ORC1: variants seen among roughly 807,000 people sequenced by gnomAD.
ORC1 encodes the protein origin recognition complex, subunit 1 homolog.
In ORC1, 61 loss-of-function variants were observed where a neutral mutation model predicts 98.9. That is an observed-to-expected ratio of 0.62 (90% CI 0.50 to 0.76). The LOEUF (loss-of-function observed/expected upper bound fraction) is 0.76, where lower values mean the gene tolerates loss of function less well. Ranked by LOEUF, ORC1 falls within the 30% of genes least tolerant of loss-of-function variation. ORC1 has a pLI of 0.00. For missense variants in ORC1, 979 were observed against 1,072.2 expected (o/e 0.91, Z 1.21); for synonymous variants, 385 against 406.9 (o/e 0.95, Z 0.65).
intron 6 of ORC1, among the ~76,000 whole-genome samples, chr1:52,391,980 A>G (rs1647221291): frequency 6.6e-6 from 1 of 152,146 alleles, no homozygotes; most frequent in African/African-American, 2.4e-5. Flanking sequence ...AGAAACAGCC[A>G]GCAAACATAT....
intron 3 of ORC1, among the ~76,000 whole-genome samples, chr1:52,400,466 CAGA>C (rs771373135): frequency 3.9e-5 from 6 of 152,164 alleles, no homozygotes; most frequent in Non-Finnish European, 8.8e-5. Context: ...ACTGAAATCG[CAGA>C]AGGTGAAACC....
intron 3 of ORC1, among the ~76,000 whole-genome samples, chr1:52,400,127 T>A (rs1210332898): frequency 6.6e-6 from 1 of 152,200 alleles, no homozygotes; most frequent in Admixed American, 6.5e-5. Flanking sequence ...TTTTTCTCCA[T>A]ACTTCTAAGT....
At chr1:52,389,565 C>T (rs767088202) in intron 6 of ORC1, among the ~76,000 whole-genome samples, 12 of 152,198 alleles carry the variant, frequency 7.9e-5, no homozygotes, top group Admixed American at 2.0e-4. Context: ...GACTCACCAA[C>T]TCCCCAACTA....
At chr1:52,383,359 G>A (rs1647097290) in intron 13 of ORC1, 61 bp downstream of exon 13, 3 of 1,603,750 alleles carry the variant, frequency 1.9e-6, no homozygotes, top group Admixed American at 3.3e-5. Flanking sequence ...CATTTTTGCA[G>A]AACTTCTTGG....
intron 5 of ORC1, among the ~76,000 whole-genome samples, 191 bp from the exon 6 acceptor site, chr1:52,393,994 G>A (rs1647289819): frequency 6.6e-6 from 1 of 152,198 alleles, no homozygotes. Flanking sequence ...AATTTTAGGA[G>A]TGATTTTCCT....
At position 52,383,929 on chromosome 1, in the gene ORC1, T is replaced by A; in HGVS notation, c.1764A>T (p.Thr588=). 6.2e-7 allele frequency: 1 copy of A among 1,614,010 alleles called. No homozygotes were observed. The highest frequency in any genetic ancestry group is 8.5e-7 in the Non-Finnish European group (1 of 1,179,840). The change falls in exon 12 of 17, where the codon ACA becomes ACT. Residue 588 remains threonine (T), a synonymous_variant. Coordinates refer to ENST00000371568, the MANE Select transcript of ORC1 (RefSeq NM_004153.4). ...QVYVQILQKL[T]GQKATANHAA... ...CATGGTTGGCTGTTGCTTTTTGGCC[T>A]GTTAGCTTCTGCATTAGGAGAAACA...
chr1:52,383,789 A>G, intron 12 of ORC1, 41 bp downstream of exon 12: 1 of 1,529,324 alleles, frequency 6.5e-7, no homozygotes, highest in Non-Finnish European at 9.1e-7. Context: ...CTCCTGAGGT[A>G]CAGCCCTGTT....
chr1:52,405,003 G>C, upstream of ORC1: 1 of 1,154,066 alleles, frequency 8.7e-7, no homozygotes, highest in Non-Finnish European at 1.2e-6. Flanking sequence ...CGATCATTCA[G>C]AAAAATTTTG....
At position 52,397,871 on chromosome 1, in the gene ORC1, G is replaced by A. The variant is rs1310590127; in HGVS notation, c.224-8C>T. On this transcript the variant is annotated splice_polypyrimidine_tract_variant and splice_region_variant and intron_variant, in intron 3 of 16. Transcript: ENST00000371568. ...TAGGAGGAGGATCAGAGTCTAGAAA[G>A]AATTTGGTGGAAAGGGAAAGGTTAA... 1 of 1,613,958 alleles carries A rather than the reference G, an allele frequency of 6.2e-7. No individual in the cohort carries two copies. Among genetic ancestry groups the A allele is most frequent in the Non-Finnish European group, 8.5e-7 (1 of 1,179,784 alleles).
chr1:52,394,121 G>A (rs1247704189), intron 5 of ORC1, among the ~76,000 whole-genome samples: 7 of 152,182 alleles, frequency 4.6e-5, no homozygotes, highest in Non-Finnish European at 7.3e-5. Flanking sequence ...AATCAGGGGT[G>A]ACATCGCATG....
intron 4 of ORC1, 133 bp downstream of exon 4, chr1:52,397,552 A>G: frequency 1.2e-6 from 1 of 852,126 alleles, no homozygotes; most frequent in East Asian, 2.5e-5. Context: ...CAGACAGGCA[A>G]GCACAGAAGA....
Position 52,389,266 on chromosome 1 carries a change from G to A in ORC1, c.1138C>T (p.Arg380Cys), listed in dbSNP as rs761899508. 4 of 1,614,158 alleles carry A rather than the reference G, an allele frequency of 2.5e-6. No individual in the cohort carries two copies. The highest frequency in any genetic ancestry group is 2.2e-5 in the East Asian group (1 of 44,884). ...NEATSTPHRI[R>C]RKSSVLTMNR... ...ATAGTCAAGACAGAACTCTTTCTGCGGATACGATGGGGAGTAGAGGTCGCT... is the reference window on the plus strand; with the variant it reads ...ATAGTCAAGACAGAACTCTTTCTGCAGATACGATGGGGAGTAGAGGTCGCT... The change falls in exon 7 of 17, where the codon CGC becomes TGC. Residue 380 changes from arginine (R) to cysteine (C), a missense_variant. Arg to Cys is a radical substitution (Grantham distance 180, BLOSUM62 -3). Coordinates refer to ENST00000371568, the MANE Select transcript of ORC1 (RefSeq NM_004153.4).
upstream of ORC1, among the ~76,000 whole-genome samples, chr1:52,407,712 G>T (rs1219163882): frequency 6.6e-6 from 1 of 152,170 alleles, no homozygotes; most frequent in Non-Finnish European, 1.5e-5. Flanking sequence ...CTTGAGGTCA[G>T]GAGTTCAAGA....
rs1647266462 is a variant in ORC1, at chr1:52,393,415, T to C, written c.1082+28A>G. Reference sequence around the variant, plus strand: ...TTCACGTGATGTGAAGGATTTCAATTTGCTCTGTGGGTAATGTCCCTGGTC... The same window carrying C: ...TTCACGTGATGTGAAGGATTTCAATCTGCTCTGTGGGTAATGTCCCTGGTC... On this transcript the variant is annotated intron_variant, in intron 6 of 16. Coordinates refer to ENST00000371568, the MANE Select transcript of ORC1 (RefSeq NM_004153.4). The C allele has an allele frequency of 1.9e-6, 3 of 1,613,828 alleles. No individual in the cohort carries two copies. In the African/African-American group the frequency reaches 4.0e-5, roughly 22 times the overall value.
intron 3 of ORC1, among the ~76,000 whole-genome samples, chr1:52,399,614 ACT>A (rs1470132702): frequency 3.4e-5 from 4 of 118,756 alleles, no homozygotes; most frequent in Non-Finnish European, 4.9e-5. Flanking sequence ...ACACAGCGAG[ACT>A]CTGTCTCAAA....
chr1:52,384,695 C>T lies in ORC1; in HGVS notation c.1610G>A (p.Gly537Glu), dbSNP rs760137346. The change falls in exon 11 of 17, where the codon GGG becomes GAG. Residue 537 changes from glycine to glutamate, a missense_variant. Transcript: ENST00000371568. ...ATGAACAGTGGCAGTCTTCCCTGTC[C>T]CAGGGACACCGGAGATGTACATGCA... ...GGCMYISGVP[G>E]TGKTATVHEV... The T allele has an allele frequency of 3.1e-6, 5 of 1,613,674 alleles. No individual in the cohort carries two copies. In the African/African-American group the frequency reaches 4.0e-5, roughly 13 times the overall value.
chr1:52,386,941 C>G (rs1647150544), intron 8 of ORC1, among the ~76,000 whole-genome samples: 1 of 151,692 alleles, frequency 6.6e-6, no homozygotes, highest in African/African-American at 2.4e-5. Flanking sequence ...AGAGACAGAG[C>G]AAGAGCGTGT....
intron 14 of ORC1, 104 bp from the exon 15 acceptor site, chr1:52,375,703 G>T: frequency 9.6e-7 from 1 of 1,038,678 alleles, no homozygotes; most frequent in Non-Finnish European, 1.5e-6. Flanking sequence ...TAAGTACTTA[G>T]CCCTGGCAGG....
Position 52,383,452 on chromosome 1 carries a change from G to A in ORC1, c.1981C>T (p.Arg661Ter). 6 of 1,613,040 alleles carry A rather than the reference G, an allele frequency of 3.7e-6. No homozygotes were observed. Among genetic ancestry groups the A allele is most frequent in the Middle Eastern group, 3.9e-4 (2 of 5,122 alleles). ...AIANTMDLPE[R>*]IMMNRVSSRL... ...CTGGACACCCGGTTCATCATGATTCGCTCTGGCAGGTCCATTGTGTTGGCA... is the reference window on the plus strand; with the variant it reads ...CTGGACACCCGGTTCATCATGATTCACTCTGGCAGGTCCATTGTGTTGGCA... Residue 661 changes from arginine to a stop codon, truncating the protein, a stop_gained, in exon 13 of 17, where the codon CGA (arginine) becomes TGA (stop). Coordinates refer to ENST00000371568, the MANE Select transcript of ORC1 (RefSeq NM_004153.4). LOFTEE classifies it high-confidence loss of function.
Sources: allele counts gnomAD v4.1 joint callset (sites outside exome capture counted in the v4.1 genomes callset), GRCh38; gene constraint gnomAD v4.1.1; transcripts MANE v1.5; gene names NCBI Gene and HGNC (gene_info 2026-07-23, HGNC 2026-07-21).